The following IL23R variants were observed in gnomAD, a reference collection of about 807,000 sequenced individuals.
IL23R encodes the protein interleukin-23 receptor.
Under a neutral mutation model 56.9 loss-of-function variants are expected in IL23R, and 34 were observed. That is an observed-to-expected ratio of 0.60 (90% CI 0.45 to 0.80). The LOEUF is 0.80. Ranked by LOEUF, IL23R falls within the 30% of genes least tolerant of loss-of-function variation. The pLI, the probability that IL23R is intolerant of heterozygous loss-of-function variation, is 0.00. For synonymous variants in IL23R, 230 were observed against 249.2 expected (o/e 0.92, Z 0.73); for missense variants, 635 against 730.0 (o/e 0.87, Z 1.50).
At chr1:67,176,233 A>T (rs1647006476) in intron 3 of IL23R, among the ~76,000 whole-genome samples, 4 of 152,172 alleles carry the variant, frequency 2.6e-5, no homozygotes, top group Non-Finnish European at 5.9e-5. Flanking sequence ...GTTAAGAAAA[A>T]AAGAAAGATA....
At chr1:67,232,944 C>G (rs1651194939) in intron 7 of IL23R, among the ~76,000 whole-genome samples, 1 of 151,934 alleles carries the variant, frequency 6.6e-6, no homozygotes, top group African/African-American at 2.4e-5. Flanking sequence ...CTTATCTGGC[C>G]TGTTGTCATG....
At chr1:67,180,587 T>C (rs188233289) in intron 3 of IL23R, among the ~76,000 whole-genome samples, 43,271 of 152,066 alleles carry the variant, frequency 0.28, 6,647 homozygotes, top group Admixed American at 0.43. Flanking sequence ...TGCCAGTCTG[T>C]GTCTTTCAAT....
chr1:67,217,919 A>G (rs2100218973), intron 6 of IL23R, among the ~76,000 whole-genome samples: 1 of 151,448 alleles, frequency 6.6e-6, no homozygotes, highest in East Asian at 2.0e-4. Flanking sequence ...TTTAATCTCA[A>G]TCGTTGTAAC....
intron 4 of IL23R, among the ~76,000 whole-genome samples, chr1:67,190,702 TA>T (rs535326910): frequency 2.0e-5 from 3 of 152,088 alleles, no homozygotes; most frequent in African/African-American, 7.2e-5. Flanking sequence ...TGTAGATATT[TA>T]AAAAAAAGAG....
At chr1:67,250,452 C>T (rs1652536291) in intron 9 of IL23R, among the ~76,000 whole-genome samples, 1 of 152,030 alleles carries the variant, frequency 6.6e-6, no homozygotes, top group Non-Finnish European at 1.5e-5. Context: ...CCACATGTCC[C>T]CAGGCCTTAT....
chr1:67,245,782 G>A (rs945777951), intron 9 of IL23R, among the ~76,000 whole-genome samples: 5 of 151,998 alleles, frequency 3.3e-5, no homozygotes, highest in African/African-American at 1.2e-4. Context: ...TTTTTTTGTT[G>A]TGTCTCTGCC....
chr1:67,234,192 A>T (rs944484657), intron 7 of IL23R, among the ~76,000 whole-genome samples: 1 of 152,206 alleles, frequency 6.6e-6, no homozygotes, highest in Non-Finnish European at 1.5e-5. Context: ...TGGTGGCAGT[A>T]TTCCATGAAG....
chr1:67,229,568 G>A (rs1226765341), intron 7 of IL23R, among the ~76,000 whole-genome samples: 1 of 152,176 alleles, frequency 6.6e-6, no homozygotes, highest in East Asian at 1.9e-4. Context: ...GGTTGGGGAT[G>A]GGTTGAAAAA....
intron 3 of IL23R, among the ~76,000 whole-genome samples, chr1:67,180,988 C>T (rs138951510): frequency 1.4e-3 from 211 of 152,288 alleles, no homozygotes; most frequent in African/African-American, 4.3e-3. Context: ...CTGAGAGATC[C>T]GCTGTTAGTC....
chr1:67,153,776 T>G (rs1047663200), intron 1 of IL23R, among the ~76,000 whole-genome samples: 1 of 151,974 alleles, frequency 6.6e-6, no homozygotes, highest in Non-Finnish European at 1.5e-5. Flanking sequence ...TTCTTTTCTT[T>G]TTTTTTTGAG....
chr1:67,218,272 A>ATG (rs1491505936), intron 6 of IL23R, among the ~76,000 whole-genome samples: 1 of 50,824 alleles, frequency 2.0e-5, no homozygotes, highest in Admixed American at 2.0e-4. Flanking sequence ...ACACATACAC[A>ATG]TATATATATA....
At chr1:67,185,987 C>T (rs1018901369) in intron 4 of IL23R, among the ~76,000 whole-genome samples, 2 of 152,222 alleles carry the variant, frequency 1.3e-5, no homozygotes, top group African/African-American at 4.8e-5. Flanking sequence ...CTCACATTAC[C>T]TCTCCAAAGT....
chr1:67,156,252 A>T (rs955254744), intron 1 of IL23R, among the ~76,000 whole-genome samples: 4 of 152,216 alleles, frequency 2.6e-5, no homozygotes, highest in Non-Finnish European at 4.4e-5. Context: ...GGTCTCTCCA[A>T]GTCAGGAGGC....
chr1:67,172,651 A>G lies in IL23R; in HGVS notation c.367+3013A>G, dbSNP rs1248110911. On this transcript the variant is annotated intron_variant, in intron 3 of 10. Transcript: ENST00000347310. ...CTTAATCATTTGTTTAAAATTTTAAATATCTTTGACTTTTTAAATTTTAAC... is the reference window on the plus strand; with the variant it reads ...CTTAATCATTTGTTTAAAATTTTAAGTATCTTTGACTTTTTAAATTTTAAC... 2.0e-5 allele frequency among the ~76,000 whole-genome samples: 3 copies of G among 152,228 alleles called. No individual in the cohort carries two copies. In the East Asian group the frequency reaches 5.8e-4, roughly 29 times the overall value.
At chr1:67,234,699 T>C (rs1033979739) in intron 7 of IL23R, among the ~76,000 whole-genome samples, 3 of 127,814 alleles carry the variant, frequency 2.3e-5, no homozygotes. Context: ...TAATGTAGTA[T>C]TTTTACTCTT....
chr1:67,217,673 G>C (rs1649935531), intron 6 of IL23R, among the ~76,000 whole-genome samples: 1 of 143,630 alleles, frequency 7.0e-6, no homozygotes, highest in Non-Finnish European at 1.5e-5. Flanking sequence ...ATAGAGACAT[G>C]GCTTATGGAA....
intron 8 of IL23R, among the ~76,000 whole-genome samples, chr1:67,238,588 T>C (rs2100322015): frequency 6.6e-6 from 1 of 152,228 alleles, no homozygotes; most frequent in South Asian, 2.1e-4. Context: ...AACCTGAGAC[T>C]CAGCAAGTTC....
chr1:67,168,330 A>G, intron 2 of IL23R, 140 bp downstream of exon 2: 1 of 742,072 alleles, frequency 1.3e-6, no homozygotes, highest in Non-Finnish European at 2.4e-6. Context: ...CATAAAAATT[A>G]CATAGAATGA....
intron 6 of IL23R, among the ~76,000 whole-genome samples, chr1:67,210,390 C>T (rs1001634814): frequency 5.9e-5 from 9 of 151,958 alleles, no homozygotes; most frequent in East Asian, 1.9e-4. Flanking sequence ...TATTTTTAAG[C>T]GTAACAAACT....
Sources: gnomAD v4.1 joint callset for allele counts (sites outside exome capture counted in the v4.1 genomes callset) on GRCh38, gnomAD v4.1.1 for gene constraint, MANE v1.5 for transcripts, NCBI Gene and HGNC (gene_info 2026-07-23, HGNC 2026-07-21) for gene names.